Variants in DIP2A observed in about 807,000 individuals in gnomAD.
The protein encoded by DIP2A is DIP2 acetate--CoA ligase A, also known as disco-interacting protein 2 homolog A.
A neutral mutation model predicts 177.4 loss-of-function variants in DIP2A; 85 were observed. The observed-to-expected ratio is 0.48, with a 90% CI of 0.40 to 0.57. The LOEUF is 0.57. DIP2A is among the 20% of genes least tolerant of loss of function. The pLI is 0.00. For synonymous variants in DIP2A, 886 were observed against 881.8 expected (o/e 1.00, Z -0.08); for missense variants, 1,791 against 2,100.2 (o/e 0.85, Z 2.88).
rs76342916 is a variant in DIP2A, at chr21:46,532,015, A to C, written c.1195-112A>C. The C allele has an allele frequency of 2.0e-5, 19 of 966,512 alleles. No homozygotes were observed. The Middle Eastern group carries it at 9.2e-4, about 47-fold the overall frequency. 59.9% of individuals were successfully genotyped at this position (966,512 alleles called of 1,614,324 possible). On this transcript the variant is annotated intron_variant, in intron 9 of 37. Transcript: ENST00000417564. ...CTTGTCCCTTATGGTTTCAAGCACA[A>C]TTATTACAATATTTGGGGCTTACAA...
rs1196901519 is a variant in DIP2A, at chr21:46,563,759, G to T, written c.4090-99G>T. On this transcript the variant is annotated intron_variant, in intron 34 of 37. Coordinates refer to ENST00000417564, the MANE Select transcript of DIP2A (RefSeq NM_015151.4). This position sits in a 1 kb window ranked among gnomAD's most constrained non-coding sequence, Gnocchi z 4.3. ...GACCTGACATGAGCACATCAGTCCT[G>T]CAGGCCAGCTTCTGAGGGACGTTAT... The T allele has an allele frequency of 6.6e-7, 1 of 1,522,110 alleles. No homozygotes were observed. Among genetic ancestry groups the T allele is most frequent in the Non-Finnish European group, 8.8e-7 (1 of 1,131,556 alleles). 94.3% of individuals were successfully genotyped at this position (1,522,110 alleles called of 1,614,324 possible).
chr21:46,562,686 C>G (rs564096094), intron 34 of DIP2A, among the ~76,000 whole-genome samples: 3 of 152,158 alleles, frequency 2.0e-5, no homozygotes, highest in Non-Finnish European at 2.9e-5. Context: ...AGAAGGAGTG[C>G]GTGAGTGAGT....
At position 46,563,227 on chromosome 21, in the gene DIP2A, T is replaced by G. The variant is rs1210376844; in HGVS notation, c.4090-631T>G. ...TGGCCCGTCGTCCCCTCCTCTTGCC[T>G]GCCCTGAGCCTGCAGTGTCATTGCC... On this transcript the variant is annotated intron_variant, in intron 34 of 37. Coordinates refer to ENST00000417564, the MANE Select transcript of DIP2A (RefSeq NM_015151.4). This position sits in a 1 kb window ranked among gnomAD's most constrained non-coding sequence, Gnocchi z 4.3. Among the ~76,000 whole-genome samples the G allele has an allele frequency of 1.3e-5, 2 of 152,166 alleles. No individual in the cohort carries two copies. The highest frequency in any genetic ancestry group is 2.9e-5 in the Non-Finnish European group (2 of 68,026).
In DIP2A at chr21:46,557,110, T is replaced by C; in HGVS notation, c.3629+41T>C. 4.5e-6 allele frequency: 7 copies of C among 1,556,996 alleles called. No individual in the cohort carries two copies. Among genetic ancestry groups the C allele is most frequent in the Non-Finnish European group, 6.1e-6 (7 of 1,146,686 alleles). On this transcript the variant is annotated intron_variant, in intron 30 of 37. Transcript: ENST00000417564. This position sits in a 1 kb window ranked among gnomAD's most constrained non-coding sequence, Gnocchi z 6.0. Reference sequence around the variant, plus strand: ...CTGCTGCCTGCCAGGTGGGAGCAGCTCGTGTGGCTCTTAGGAACCTTGGCC... The same window carrying C: ...CTGCTGCCTGCCAGGTGGGAGCAGCCCGTGTGGCTCTTAGGAACCTTGGCC...
intron 6 of DIP2A, among the ~76,000 whole-genome samples, chr21:46,504,768 C>A (rs1182818542): frequency 6.6e-6 from 1 of 152,166 alleles, no homozygotes; most frequent in Non-Finnish European, 1.5e-5. Context: ...GCGTTTCGAT[C>A]TGCAATATAG....
Position 46,473,798 on chromosome 21 carries a change from G to T in DIP2A, c.92-10959G>T, listed in dbSNP as rs114593869. On this transcript the variant is annotated intron_variant, in intron 1 of 37. Transcript: ENST00000417564. ...CCCAAAGTGCTGGAATTATAGGCGT[G>T]AACCACTGCGCCTGGCCAGGTGCTT... Among the ~76,000 whole-genome samples, 969 of 152,260 alleles carry T rather than the reference G, an allele frequency of 6.4e-3. 10 individuals are homozygous for T. The highest frequency in any genetic ancestry group is 0.022 in the African/African-American group (918 of 41,532).
intron 17 of DIP2A, 139 bp downstream of exon 17, chr21:46,540,130 A>G: frequency 4.5e-6 from 3 of 673,922 alleles, no homozygotes; most frequent in South Asian, 1.9e-5. Flanking sequence ...GGCCCCCCAC[A>G]TTTTGCCGGC....
At chr21:46,465,843 A>G (rs1440596361) in intron 1 of DIP2A, among the ~76,000 whole-genome samples, 1 of 152,204 alleles carries the variant, frequency 6.6e-6, no homozygotes, top group African/African-American at 2.4e-5. Context: ...TGTTTTGAGA[A>G]ACAGCAATTG....
intron 1 of DIP2A, among the ~76,000 whole-genome samples, chr21:46,465,593 T>C (rs986768708): frequency 7.2e-5 from 11 of 152,234 alleles, no homozygotes; most frequent in African/African-American, 2.6e-4. Context: ...AAAGCAGTAA[T>C]AGGGAAAACT....
At chr21:46,482,405 T>C (rs1346467135) in intron 1 of DIP2A, among the ~76,000 whole-genome samples, 1 of 152,240 alleles carries the variant, frequency 6.6e-6, no homozygotes, top group Non-Finnish European at 1.5e-5. Context: ...TTTGTGGTGA[T>C]GCTGGTGTAA....
intron 1 of DIP2A, among the ~76,000 whole-genome samples, chr21:46,483,907 C>T (rs1243915073): frequency 6.6e-6 from 1 of 152,138 alleles, no homozygotes. Context: ...TCACACATCC[C>T]CTGTTAGAAC....
intron 16 of DIP2A, 154 bp from the exon 17 acceptor site, chr21:46,539,723 T>TTTTTTC (rs1244505482): frequency 2.9e-6 from 2 of 694,574 alleles, no homozygotes; most frequent in African/African-American, 3.5e-5. Context: ...GAACATGAAG[T>TTTTTTC]CTGAGGGTAC....
rs1345327593 is a variant in DIP2A, at chr21:46,474,405, A to G, written c.92-10352A>G. ...CCCATAAGGAGAAATGAATAATGCA[A>G]AGAGAGCCTAGGAAAAAACTCTGAG... On this transcript the variant is annotated intron_variant, in intron 1 of 37. Transcript: ENST00000417564. 3.3e-5 allele frequency among the ~76,000 whole-genome samples: 5 copies of G among 152,262 alleles called. No homozygotes were observed. In the East Asian group the frequency reaches 9.6e-4, roughly 29 times the overall value.
At chr21:46,572,270 G>A (rs1369497735), downstream of DIP2A, among the ~76,000 whole-genome samples, 1 of 152,186 alleles carries the variant, frequency 6.6e-6, no homozygotes, top group Non-Finnish European at 1.5e-5. Context: ...TAAAGTTACA[G>A]TAAGCTAAGG....
In DIP2A at chr21:46,537,811, TGGGACCAAGCAGGA is replaced by T. The variant is rs575834167; in HGVS notation, c.1801+275_1801+288del. Among the ~76,000 whole-genome samples, 43 of 152,232 alleles carry T rather than the reference TGGGACCAAGCAGGA, an allele frequency of 2.8e-4. No individual in the cohort carries two copies. Among genetic ancestry groups the T allele is most frequent in the Admixed American group, 2.5e-3 (38 of 15,298 alleles). ...TTCTCTCAACGGTTGAGGTGCCTCC[TGGGACCAAGCAGGA>T]GGCCCCAGCATGGCCACACCTGCAC... On this transcript the variant is annotated intron_variant, in intron 15 of 37. Coordinates refer to ENST00000417564, the MANE Select transcript of DIP2A (RefSeq NM_015151.4). The surrounding 1 kb of genome is among the most constrained non-coding windows in gnomAD (Gnocchi z 4.1).
chr21:46,579,208 T>G, the DIP2A span, among the ~76,000 whole-genome samples: 1 of 152,216 alleles, frequency 6.6e-6, no homozygotes, highest in Non-Finnish European at 1.5e-5. Flanking sequence ...ATTCAGGAAT[T>G]TATCAGTTTC....
Position 46,506,727 on chromosome 21 carries a change from T to TTTCTTTCTTC in DIP2A, c.784+2238_784+2239insTTCTTTCTTC, listed in dbSNP as rs1451439476. Among the ~76,000 whole-genome samples, 155 of 54,416 alleles carry TTTCTTTCTTC rather than the reference T, an allele frequency of 2.8e-3. 6 individuals carry two copies. Among genetic ancestry groups the TTTCTTTCTTC allele is most frequent in the Middle Eastern group, 0.011 (1 of 90 alleles). 35.7% of individuals were successfully genotyped at this position (54,416 alleles called of 152,430 possible). ...TTTTTTTTTTAATTGTGCTTGTTTTTCTTTCTTTCTTTCTTTCTTTCTTTC... is the reference window on the plus strand; with the variant it reads ...TTTTTTTTTTAATTGTGCTTGTTTTTTTCTTTCTTCCTTTCTTTCTTTCTTTCTTTCTTTC... On this transcript the variant is annotated intron_variant, in intron 6 of 37. Transcript: ENST00000417564.
chr21:46,546,115 C>T, intron 20 of DIP2A, 154 bp downstream of exon 20: 3 of 1,484,744 alleles, frequency 2.0e-6, no homozygotes, highest in Non-Finnish European at 2.7e-6. Context: ...CATCACCCTA[C>T]CTGTGTGCAG....
chr21:46,527,830 G>C (rs946454000), intron 8 of DIP2A, among the ~76,000 whole-genome samples: 3 of 151,978 alleles, frequency 2.0e-5, no homozygotes, highest in African/African-American at 7.3e-5. Flanking sequence ...CTTGGTGAGG[G>C]GGTGTTAAGG....
Sources: gnomAD v4.1 joint callset for allele counts (sites outside exome capture counted in the v4.1 genomes callset) on GRCh38, gnomAD v4.1.1 for gene constraint, Gnocchi (gnomAD v3.1) non-coding constraint, MANE v1.5 for transcripts, NCBI Gene and HGNC (gene_info 2026-07-23, HGNC 2026-07-21) for gene names.